The following HAT1 variants were observed in gnomAD, a reference collection of about 807,000 sequenced individuals.
HAT1 encodes the protein histone acetyltransferase 1, also known as histone acetyltransferase type B catalytic subunit.
A neutral mutation model predicts 56.6 loss-of-function variants in HAT1; 20 were observed. The ratio of observed to expected loss-of-function variants is 0.35; its 90% CI spans 0.25 to 0.51. The LOEUF (loss-of-function observed/expected upper bound fraction) is 0.51, where lower values mean the gene tolerates loss of function less well. Among genes scored for constraint, HAT1 ranks in the 20% least tolerant of loss-of-function variants. The pLI is 0.95. For missense variants in HAT1, 408 were observed against 504.3 expected (o/e 0.81, Z 1.83); for synonymous variants, 146 against 165.5 (o/e 0.88, Z 0.91).
At position 171,922,725 on chromosome 2, in the gene HAT1, T is replaced by G. The variant is rs149741202; in HGVS notation, c.7+218T>G. 658 of 402,378 alleles carry G rather than the reference T, an allele frequency of 1.6e-3. 6 individuals carry two copies. The highest frequency in any genetic ancestry group is 0.013 in the African/African-American group (615 of 48,824). The allele number at this position is 402,378 out of a possible 1,614,324, so 24.9% of individuals were successfully genotyped here. On this transcript the variant is annotated intron_variant, in intron 1 of 10. Coordinates refer to ENST00000264108, the MANE Select transcript of HAT1 (RefSeq NM_003642.4). ...CAACTGCTTGGGGTTCTGCGCCTTC[T>G]GCCAGCAATCCGGCCCCTACCGAGG...
chr2:171,940,391 C>T (rs745349874), intron 2 of HAT1, among the ~76,000 whole-genome samples: 1 of 152,192 alleles, frequency 6.6e-6, no homozygotes, highest in Admixed American at 6.5e-5. Context: ...ATATCCCCTG[C>T]TATTTCATTA....
At chr2:171,947,335 G>A (rs1687192284) in intron 3 of HAT1, among the ~76,000 whole-genome samples, 1 of 152,024 alleles carries the variant, frequency 6.6e-6, no homozygotes, top group Non-Finnish European at 1.5e-5. Flanking sequence ...GCTCACTGCA[G>A]CCTGAACCTC....
intron 2 of HAT1, among the ~76,000 whole-genome samples, chr2:171,934,993 T>G (rs1428332859): frequency 1.3e-5 from 2 of 151,158 alleles, no homozygotes; most frequent in East Asian, 4.0e-4. Context: ...TGACCTCAAG[T>G]GATCCATCTG....
At chr2:171,973,707 C>A (rs1309262755) in intron 8 of HAT1, among the ~76,000 whole-genome samples, 1 of 152,160 alleles carries the variant, frequency 6.6e-6, no homozygotes, top group Non-Finnish European at 1.5e-5. Flanking sequence ...GGATGTAGGT[C>A]GAATCTAACT....
intron 4 of HAT1, among the ~76,000 whole-genome samples, chr2:171,953,733 G>A (rs1261307252): frequency 1.3e-5 from 2 of 151,154 alleles, no homozygotes; most frequent in Non-Finnish European, 2.9e-5. Context: ...GGTGGCTAAC[G>A]CCTATAATCC....
At chr2:171,930,040 A>C (rs773022450) in intron 2 of HAT1, among the ~76,000 whole-genome samples, 1 of 152,242 alleles carries the variant, frequency 6.6e-6, no homozygotes, top group Non-Finnish European at 1.5e-5. Context: ...GCCTTCCAGT[A>C]TATGAACATG....
intron 8 of HAT1, among the ~76,000 whole-genome samples, chr2:171,969,946 G>A (rs1422725370): frequency 2.0e-5 from 3 of 152,018 alleles, no homozygotes; most frequent in Admixed American, 6.6e-5. Context: ...GAGCTCAGGG[G>A]TTCAAGACCA....
At chr2:171,947,203 A>C (rs1687188717) in intron 3 of HAT1, among the ~76,000 whole-genome samples, 1 of 152,158 alleles carries the variant, frequency 6.6e-6, no homozygotes, top group African/African-American at 2.4e-5. Flanking sequence ...AGAAAGCTTA[A>C]GTTGTTATTC....
At chr2:171,955,271 A>G (rs1465722130) in intron 4 of HAT1, among the ~76,000 whole-genome samples, 1 of 152,184 alleles carries the variant, frequency 6.6e-6, no homozygotes, top group Non-Finnish European at 1.5e-5. Flanking sequence ...CATGATAGAA[A>G]AAGCATAGAT....
At chr2:171,942,200 C>T (rs1278779383) in intron 2 of HAT1, among the ~76,000 whole-genome samples, 1 of 152,174 alleles carries the variant, frequency 6.6e-6, no homozygotes, top group East Asian at 1.9e-4. Context: ...CCACTGTGCC[C>T]AGCTGCAACA....
intron 4 of HAT1, 95 bp downstream of exon 4, chr2:171,953,096 G>C: frequency 1.5e-6 from 1 of 675,652 alleles, no homozygotes. Flanking sequence ...TGTAACCCCA[G>C]CAGTTTGGGG....
chr2:171,966,213 AAG>A (rs1687679618), intron 6 of HAT1, 194 bp from the exon 7 acceptor site: 1 of 631,090 alleles, frequency 1.6e-6, no homozygotes, highest in Non-Finnish European at 2.9e-6. Context: ...AAGTGATGTA[AAG>A]AGGTCTGATT....
intron 2 of HAT1, among the ~76,000 whole-genome samples, chr2:171,929,070 G>A (rs1037590007): frequency 1.3e-4 from 20 of 152,158 alleles, no homozygotes; most frequent in African/African-American, 4.3e-4. Context: ...TAGAATTTTC[G>A]TTATTCCATA....
intron 4 of HAT1, among the ~76,000 whole-genome samples, chr2:171,955,818 A>G (rs2165934): frequency 0.66 from 100,168 of 151,642 alleles, 33,613 homozygotes; most frequent in South Asian, 0.73. Context: ...AGGCCAGGGC[A>G]GGTGGATCAC....
At chr2:171,923,337 G>C (rs1199387848) in intron 1 of HAT1, 1 of 152,094 alleles carries the variant, frequency 6.6e-6, no homozygotes, top group Non-Finnish European at 1.5e-5. Context: ...TCATAGTTCC[G>C]GGCAGCTTCC....
chr2:171,960,229 A>T (rs1687541106), intron 4 of HAT1, among the ~76,000 whole-genome samples: 1 of 152,204 alleles, frequency 6.6e-6, no homozygotes, highest in Admixed American at 6.5e-5. Flanking sequence ...GCAGTGTTAG[A>T]GGTGACACTG....
chr2:171,940,752 T>TAC (rs1207043351), intron 2 of HAT1, among the ~76,000 whole-genome samples: 1 of 152,208 alleles, frequency 6.6e-6, no homozygotes, highest in Non-Finnish European at 1.5e-5. Context: ...GGTCACCATG[T>TAC]ACTATACACA....
At position 171,960,401 on chromosome 2, in the gene HAT1, T is replaced by A. The variant is rs182727238; in HGVS notation, c.310-4937T>A. On this transcript the variant is annotated intron_variant, in intron 4 of 10. Transcript: ENST00000264108. ...GGTTTAAGTGGAAACAATAAAAAAA[T>A]TTTATTTTGGATGTTAGGTTTGAGT... Among the ~76,000 whole-genome samples, 260 of 152,054 alleles carry A rather than the reference T, an allele frequency of 1.7e-3. 1 individual carries two copies. The highest frequency in any genetic ancestry group is 6.1e-3 in the African/African-American group (252 of 41,520).
intron 4 of HAT1, among the ~76,000 whole-genome samples, chr2:171,957,902 A>T (rs1687485276): frequency 6.6e-6 from 1 of 152,216 alleles, no homozygotes; most frequent in Non-Finnish European, 1.5e-5. Context: ...TGCTAGACAC[A>T]AGTATGGAAA....
Sources: gnomAD v4.1 joint callset for allele counts (sites outside exome capture counted in the v4.1 genomes callset) on GRCh38, gnomAD v4.1.1 for gene constraint, MANE v1.5 for transcripts, NCBI Gene and HGNC (gene_info 2026-07-23, HGNC 2026-07-21) for gene names.